The following EPHA6 variants were observed in gnomAD, a reference collection of about 807,000 sequenced individuals.
The protein encoded by EPHA6 is EPH receptor A6, also known as ephrin type-A receptor 6.
In EPHA6, 50 loss-of-function variants were observed where a neutral mutation model predicts 112.0. That is an observed-to-expected ratio of 0.45 (90% CI 0.36 to 0.56). The LOEUF is 0.56. EPHA6 is among the 20% of genes least tolerant of loss of function. EPHA6 has a pLI of 0.00. For synonymous variants in EPHA6, 529 were observed against 490.7 expected (o/e 1.08, Z -1.03); for missense variants, 1,280 against 1,417.4 (o/e 0.90, Z 1.56).
chr3:96,930,961 C>T (rs1467535721), intron 2 of EPHA6, among the ~76,000 whole-genome samples: 1 of 120,946 alleles, frequency 8.3e-6, no homozygotes, highest in Non-Finnish European at 1.6e-5. Context: ...CATTGCACTA[C>T]AGCCTGGGTG....
intron 16 of EPHA6, among the ~76,000 whole-genome samples, chr3:97,736,655 C>T (rs564162073): frequency 5.3e-5 from 8 of 151,788 alleles, no homozygotes; most frequent in African/African-American, 1.9e-4. Flanking sequence ...ACTCTCCATT[C>T]CTAAAACCAG....
chr3:97,480,031 T>A (rs2091484455), intron 9 of EPHA6, among the ~76,000 whole-genome samples: 1 of 152,198 alleles, frequency 6.6e-6, no homozygotes, highest in Non-Finnish European at 1.5e-5. Flanking sequence ...TGTTCTCTAA[T>A]TAACCACAGT....
chr3:97,565,221 T>TA (rs1380515767), intron 11 of EPHA6, among the ~76,000 whole-genome samples: 1,826 of 152,126 alleles, frequency 0.012, 39 homozygotes, highest in African/African-American at 0.041. Context: ...TGTCATGATT[T>TA]ATAAATCACA....
At chr3:96,875,606 C>T (rs1328824967) in intron 2 of EPHA6, among the ~76,000 whole-genome samples, 2 of 151,960 alleles carry the variant, frequency 1.3e-5, no homozygotes, top group African/African-American at 4.8e-5. Flanking sequence ...AATATGTAAT[C>T]ACCCTTGTAT....
chr3:97,554,567 CAG>C (rs1311677853), intron 11 of EPHA6, among the ~76,000 whole-genome samples: 2 of 151,998 alleles, frequency 1.3e-5, no homozygotes, highest in Non-Finnish European at 2.9e-5. Context: ...GGTCCATAAT[CAG>C]GGGGTGGCCA....
At chr3:96,864,211 T>C (rs1435893016) in intron 1 of EPHA6, among the ~76,000 whole-genome samples, 2 of 152,068 alleles carry the variant, frequency 1.3e-5, no homozygotes, top group Non-Finnish European at 1.5e-5. Flanking sequence ...CCACTAATCT[T>C]ACTCCTTGTT....
chr3:96,820,111 T>G (rs573677994), intron 1 of EPHA6, among the ~76,000 whole-genome samples: 62 of 152,222 alleles, frequency 4.1e-4, no homozygotes, highest in Non-Finnish European at 6.5e-4. Context: ...AGAAATGAGC[T>G]TGACACATTT....
chr3:97,503,290 G>A (rs183153782), intron 10 of EPHA6, among the ~76,000 whole-genome samples: 7 of 152,004 alleles, frequency 4.6e-5, no homozygotes, highest in South Asian at 4.1e-4. Context: ...AAAGTTTTAC[G>A]GAACACATAG....
intron 6 of EPHA6, among the ~76,000 whole-genome samples, chr3:97,416,380 T>A (rs1204504110): frequency 2.6e-5 from 4 of 152,118 alleles, no homozygotes; most frequent in African/African-American, 9.6e-5. Flanking sequence ...GGATAAAATT[T>A]TAAATAATTA....
chr3:97,489,519 A>G (rs574303572), intron 10 of EPHA6, among the ~76,000 whole-genome samples: 1 of 152,158 alleles, frequency 6.6e-6, no homozygotes, highest in Admixed American at 6.5e-5. Context: ...CCCTGTCTCT[A>G]CTAAAAAACA....
At chr3:96,963,702 ATGC>A (rs2042025451) in intron 2 of EPHA6, among the ~76,000 whole-genome samples, 1 of 152,190 alleles carries the variant, frequency 6.6e-6, no homozygotes, top group Non-Finnish European at 1.5e-5. Flanking sequence ...GTGAACAGAT[ATGC>A]CAGAATACAA....
At chr3:97,668,206 C>T (rs2030362407) in intron 14 of EPHA6, among the ~76,000 whole-genome samples, 1 of 152,144 alleles carries the variant, frequency 6.6e-6, no homozygotes, top group Non-Finnish European at 1.5e-5. Context: ...CAAATCAGAC[C>T]TATTCTGCCT....
intron 11 of EPHA6, chr3:97,560,546 T>C (rs1253801116): frequency 6.6e-6 from 1 of 152,052 alleles, no homozygotes; most frequent in African/African-American, 2.4e-5. Context: ...ACATAGAATA[T>C]TTTCATCATT....
intron 5 of EPHA6, among the ~76,000 whole-genome samples, chr3:97,252,396 TAC>T (rs139607824): frequency 1.1e-4 from 16 of 151,922 alleles, no homozygotes; most frequent in Non-Finnish European, 1.8e-4. Context: ...CAGAAACAGC[TAC>T]ACACACACAC....
intron 3 of EPHA6, among the ~76,000 whole-genome samples, chr3:97,105,490 T>TC (rs2047537920): frequency 6.6e-6 from 1 of 152,186 alleles, no homozygotes; most frequent in African/African-American, 2.4e-5. Context: ...TTGATTTCTG[T>TC]TTCTATTGGA....
chr3:97,680,322 G>T (rs2031758327), intron 14 of EPHA6, among the ~76,000 whole-genome samples: 1 of 152,142 alleles, frequency 6.6e-6, no homozygotes, highest in Non-Finnish European at 1.5e-5. Flanking sequence ...AGATTCCCAT[G>T]TAGAAACACA....
chr3:96,920,903 G>A lies in EPHA6; in HGVS notation c.450+54014G>A, dbSNP rs546811768. ...AGAATTTGAAACAGTAGTTTATATA[G>A]CCTTTAAGGGGAACAAAATTTTATT... On this transcript the variant is annotated intron_variant, in intron 2 of 17. Transcript: ENST00000389672. Among the ~76,000 whole-genome samples, 8 of 152,074 alleles carry A rather than the reference G, an allele frequency of 5.3e-5. No individual in the cohort carries two copies. The South Asian group carries it at 1.2e-3, about 24-fold the overall frequency.
At chr3:97,439,652 G>A (rs2090033582) in intron 6 of EPHA6, 2 of 1,001,120 alleles carry the variant, frequency 2.0e-6, no homozygotes, top group Non-Finnish European at 2.4e-6. Context: ...AACCAGGAAA[G>A]CTAAGGTTGT....
chr3:96,993,897 A>G (rs1369539995), intron 3 of EPHA6, among the ~76,000 whole-genome samples: 3 of 152,214 alleles, frequency 2.0e-5, no homozygotes, highest in Non-Finnish European at 4.4e-5. Flanking sequence ...TGCAACTAAG[A>G]CACAATAAGC....
Sources: allele counts gnomAD v4.1 joint callset (sites outside exome capture counted in the v4.1 genomes callset), GRCh38; gene constraint gnomAD v4.1.1; transcripts MANE v1.5; gene names NCBI Gene and HGNC (gene_info 2026-07-23, HGNC 2026-07-21).